Variants in MORN4 observed in about 807,000 individuals in gnomAD.
The protein encoded by MORN4 is MORN repeat containing 4.
MORN4 carries 8 observed loss-of-function variants against 16.4 expected under a neutral mutation model. That is an observed-to-expected ratio of 0.49 (90% CI 0.29 to 0.88). MORN4 has a LOEUF of 0.88. MORN4 is among the 40% of genes least tolerant of loss of function. MORN4 has a pLI of 0.09. For synonymous variants in MORN4, 53 were observed against 68.9 expected (o/e 0.77, Z 1.14); for missense variants, 159 against 182.9 (o/e 0.87, Z 0.75).
At position 97,633,429 on chromosome 10, in the gene MORN4, C is replaced by CT. The variant is rs1370590228; in HGVS notation, c.-114dup. 19 of 1,289,784 alleles carry CT rather than the reference C, an allele frequency of 1.5e-5. No homozygotes were observed. The African/African-American group carries it at 2.6e-4, about 18-fold the overall frequency. 79.9% of individuals were successfully genotyped at this position (1,289,784 alleles called of 1,614,324 possible). On this transcript the variant is annotated 5_prime_UTR_variant, in exon 1 of 5. The change abolishes the stop of an existing upstream ORF in the 5' untranslated region. Transcript: ENST00000307450. This position sits in a 1 kb window ranked among gnomAD's most constrained non-coding sequence, Gnocchi z 4.5. ...GACTTTTCCTCTGATGGGCTCCCGG[C>CT]TGCCACCTTGCTCTCCGCCACCTCC... is the stretch of plus-strand genomic sequence containing the variant.
chr10:97,634,138 A>T (rs115445863), upstream of MORN4, among the ~76,000 whole-genome samples: 1,762 of 152,216 alleles, frequency 0.012, 29 homozygotes, highest in African/African-American at 0.041. Context: ...CCGTATCTAC[A>T]GAAGAAAAAA....
chr10:97,616,372 C>G lies in MORN4; in HGVS notation c.332G>C (p.Arg111Pro). 2 of 1,611,390 alleles carry G rather than the reference C, an allele frequency of 1.2e-6. No individual in the cohort carries two copies. Among genetic ancestry groups the G allele is most frequent in the South Asian group, 1.1e-5 (1 of 90,708 alleles). The change falls in exon 5 of 5, where the codon CGC (arginine) becomes CCC (proline). Residue 111 changes from arginine (R) to proline (P), a missense_variant. Coordinates refer to ENST00000307450, the MANE Select transcript of MORN4 (RefSeq NM_178832.4). Reference protein sequence around the residue: ...TFPDGSHGIPRNEGLFENNKL... With the variant: ...TFPDGSHGIPPNEGLFENNKL... ...GTTGTTCTCAAAGAGACCTTCATTG[C>G]GGGGGATTCCATGAGAACCATCAGG... is the stretch of plus-strand genomic sequence containing the variant.
At chr10:97,622,254 C>A (rs1293851166) in intron 1 of MORN4, among the ~76,000 whole-genome samples, 3 of 152,140 alleles carry the variant, frequency 2.0e-5, no homozygotes, top group Non-Finnish European at 4.4e-5. Context: ...TACGTTCAGG[C>A]ATGAGTCTGG....
In MORN4 at chr10:97,616,643, AC is replaced by A. The variant is rs775130098; in HGVS notation, c.292+34del. On this transcript the variant is annotated intron_variant, in intron 4 of 4. Coordinates refer to ENST00000307450, the MANE Select transcript of MORN4 (RefSeq NM_178832.4). ...GTATATTTCCACCCATATTATGCCC[AC>A]CTAAGTCAGCCATCCTGCTGGGCTG... is the stretch of plus-strand genomic sequence containing the variant. The A allele has an allele frequency of 2.0e-6, 3 of 1,537,314 alleles. No individual in the cohort carries two copies. The East Asian group carries it at 6.7e-5, about 35-fold the overall frequency.
chr10:97,630,978 G>C (rs2041391090), intron 1 of MORN4, among the ~76,000 whole-genome samples: 1 of 152,166 alleles, frequency 6.6e-6, no homozygotes, highest in Non-Finnish European at 1.5e-5. Context: ...AGCCTCCTGA[G>C]TAGCTGGGAC....
chr10:97,627,230 G>A (rs536679657), intron 1 of MORN4, among the ~76,000 whole-genome samples: 4 of 151,796 alleles, frequency 2.6e-5, no homozygotes, highest in Admixed American at 1.3e-4. Flanking sequence ...TGCAACCTTC[G>A]TCTCCTGGGT....
chr10:97,633,597 G>T, upstream of MORN4: 10 of 1,289,198 alleles, frequency 7.8e-6, no homozygotes, highest in Non-Finnish European at 1.0e-5. This position sits in a 1 kb window ranked among gnomAD's most constrained non-coding sequence, Gnocchi z 4.5. Flanking sequence ...TCTTTGTGCG[G>T]GGCCGAGTGT....
At chr10:97,620,411 C>G (rs2041278150) in intron 1 of MORN4, among the ~76,000 whole-genome samples, 1 of 147,464 alleles carries the variant, frequency 6.8e-6, no homozygotes, top group Non-Finnish European at 1.5e-5. Context: ...TCACTTAAAC[C>G]CGGGAGGCGG....
chr10:97,624,720 T>G (rs1483032089), intron 1 of MORN4, among the ~76,000 whole-genome samples: 1 of 152,154 alleles, frequency 6.6e-6, no homozygotes, highest in Non-Finnish European at 1.5e-5. Flanking sequence ...GTTTTTTGTT[T>G]TGTTTTGTTT....
intron 1 of MORN4, among the ~76,000 whole-genome samples, chr10:97,622,631 G>C (rs944770674): frequency 1.4e-5 from 2 of 147,246 alleles, no homozygotes; most frequent in South Asian, 2.2e-4. Context: ...GGAGGCAGAA[G>C]TGCAGTGAGC....
chr10:97,616,048 CAG>C lies in MORN4; in HGVS notation c.*213_*214del. ...CCAGCACATAAGGGTTAGGGAAAGA[CAG>C]AACCACCAATGACTGCTGCAGGGTC... On this transcript the variant is annotated 3_prime_UTR_variant, in exon 5 of 5. Coordinates refer to ENST00000307450, the MANE Select transcript of MORN4 (RefSeq NM_178832.4). The C allele has an allele frequency of 2.3e-6, 1 of 428,118 alleles. No homozygotes were observed. The highest frequency in any genetic ancestry group is 4.1e-5 in the Admixed American group (1 of 24,688). The allele number at this position is 428,118 out of a possible 1,614,324, so 26.5% of individuals were successfully genotyped here. A position where few individuals can be genotyped will look rare whatever the true frequency, so the allele number is the denominator to read the frequency against.
At chr10:97,617,100 T>G in intron 3 of MORN4, 108 bp downstream of exon 3, 2 of 865,896 alleles carry the variant, frequency 2.3e-6, no homozygotes, top group Admixed American at 2.0e-5. Context: ...ATCTGTGTTC[T>G]GCAGGGAGTG....
intron 1 of MORN4, among the ~76,000 whole-genome samples, chr10:97,625,502 T>C (rs1321111545): frequency 6.6e-6 from 1 of 152,240 alleles, no homozygotes; most frequent in Non-Finnish European, 1.5e-5. Flanking sequence ...TGCTAGGGCC[T>C]GTCCACTAAA....
intron 1 of MORN4, among the ~76,000 whole-genome samples, chr10:97,628,722 G>C (rs2135742672): frequency 6.6e-6 from 1 of 152,160 alleles, no homozygotes; most frequent in Non-Finnish European, 1.5e-5. Flanking sequence ...AGTAGAGATG[G>C]GGTTTCACTA....
At chr10:97,620,180 C>T (rs907468625) in intron 1 of MORN4, among the ~76,000 whole-genome samples, 6 of 151,664 alleles carry the variant, frequency 4.0e-5, no homozygotes, top group African/African-American at 1.5e-4. Context: ...AAGAGCAATT[C>T]CAGAATCAGA....
At chr10:97,632,485 G>C (rs889951706) in intron 1 of MORN4, among the ~76,000 whole-genome samples, 1 of 151,874 alleles carries the variant, frequency 6.6e-6, no homozygotes, top group African/African-American at 2.4e-5. Context: ...CCAAAGTGTT[G>C]GGATTACAGG....
At chr10:97,621,916 T>G (rs1282236144) in intron 1 of MORN4, among the ~76,000 whole-genome samples, 1 of 151,972 alleles carries the variant, frequency 6.6e-6, no homozygotes, top group Non-Finnish European at 1.5e-5. Context: ...GGACCTGGGT[T>G]GGCTGTGTGA....
At position 97,616,424 on chromosome 10, in the gene MORN4, C is replaced by A; in HGVS notation, c.293-13G>T. 6.3e-7 allele frequency: 1 copy of A among 1,583,088 alleles called. No homozygotes were observed. Among genetic ancestry groups the A allele is most frequent in the Non-Finnish European group, 8.6e-7 (1 of 1,164,190 alleles). On this transcript the variant is annotated splice_polypyrimidine_tract_variant and intron_variant, in intron 4 of 4. Transcript: ENST00000307450. ...AAAGTCAGCAGGCCTTTGAGGAGGG[C>A]AGAGAAAATATGGGAGTGACAATGG...
At chr10:97,632,576 T>C (rs2041406123) in intron 1 of MORN4, among the ~76,000 whole-genome samples, 1 of 152,144 alleles carries the variant, frequency 6.6e-6, no homozygotes, top group Non-Finnish European at 1.5e-5. Context: ...TCATTATAAG[T>C]CTAACCTCCT....
Sources: gnomAD v4.1 joint callset for allele counts (sites outside exome capture counted in the v4.1 genomes callset) on GRCh38, gnomAD v4.1.1 for gene constraint, Gnocchi (gnomAD v3.1) non-coding constraint, MANE v1.5 for transcripts, NCBI Gene and HGNC (gene_info 2026-07-23, HGNC 2026-07-21) for gene names.